Variants in PINK1 observed in about 807,000 individuals in gnomAD.
PINK1 encodes PTEN induced kinase 1.
A neutral mutation model predicts 56.0 loss-of-function variants in PINK1; 58 were observed. That is an observed-to-expected ratio of 1.04 (90% confidence interval 0.84 to 1.29). The LOEUF is 1.29. Among genes scored for constraint, PINK1 ranks in the 50% most tolerant of loss-of-function variants. The pLI is 0.00. For missense variants in PINK1, 745 were observed against 777.9 expected (o/e 0.96, Z 0.50); for synonymous variants, 354 against 339.3 (o/e 1.04, Z -0.48).
At position 20,633,878 on chromosome 1, in the gene PINK1, C is replaced by T. The variant is rs754557745; in HGVS notation, c.330C>T (p.Leu110=). 1.3e-6 allele frequency: 2 copies of T among 1,581,718 alleles called. No homozygotes were observed. The highest frequency in any genetic ancestry group is 1.7e-6 in the Non-Finnish European group (2 of 1,165,956). Residue 110 remains leucine, a synonymous_variant, in exon 1 of 8, where the codon CTC becomes CTT. Transcript: ENST00000321556. ...TGGCCTTCGGGCTAGGGCTGGGCCTCATCGAGGAAAAACAGGCGGAGAGCC... is the reference window on the plus strand; with the variant it reads ...TGGCCTTCGGGCTAGGGCTGGGCCTTATCGAGGAAAAACAGGCGGAGAGCC... ...VFLAFGLGLG[L]IEEKQAESRR...
rs142183624 is a variant in PINK1, at chr1:20,644,661, C to T, written c.948C>T (p.Leu316=). ...EGLGHGRTLF[L]VMKNYPCTLR... Reference sequence around the variant, plus strand: ...TGGGCCATGGCCGGACGCTGTTCCTCGTTATGAAGAAGTAAGTGACAGCAG... The same window carrying T: ...TGGGCCATGGCCGGACGCTGTTCCTTGTTATGAAGAAGTAAGTGACAGCAG... Residue 316 remains leucine, a synonymous_variant, in exon 4 of 8, where the codon CTC becomes CTT. Transcript: ENST00000321556. 6.4e-4 allele frequency: 1,029 copies of T among 1,614,190 alleles called. 6 individuals are homozygous for T. The African/African-American group carries it at 0.012, about 19-fold the overall frequency.
At chr1:20,634,094 A>G (rs2154533521) in intron 1 of PINK1, among the ~76,000 whole-genome samples, 159 bp downstream of exon 1, 1 of 152,248 alleles carries the variant, frequency 6.6e-6, no homozygotes, top group Middle Eastern at 3.4e-3. Flanking sequence ...ACCATTACTG[A>G]TCGGCTGCTA....
intron 3 of PINK1, chr1:20,642,627 G>C (rs184893302): frequency 1.3e-5 from 2 of 152,280 alleles, no homozygotes; most frequent in East Asian, 3.9e-4. Context: ...ATAAGCAGAG[G>C]GAGTTTCAGC....
In PINK1 at chr1:20,633,776, G is replaced by A. The variant is rs781257771; in HGVS notation, c.228G>A (p.Gly76=). The A allele has an allele frequency of 4.6e-5, 72 of 1,565,598 alleles. No homozygotes were observed. Among genetic ancestry groups the A allele is most frequent in the Non-Finnish European group, 3.0e-5 (35 of 1,161,646 alleles). ...GCTTCTTCCGCCAGTCGGTGGCCGG[G>A]CTGGCGGCGCGGTTGCAGCGGCAGT... ...RLRFFRQSVA[G]LAARLQRQFV... is the part of the protein sequence containing the mutation. Residue 76 remains glycine, a synonymous_variant, in exon 1 of 8, where the codon GGG becomes GGA. Coordinates refer to ENST00000321556, the MANE Select transcript of PINK1 (RefSeq NM_032409.3).
chr1:20,644,032 GTC>G (rs36040366), intron 3 of PINK1, among the ~76,000 whole-genome samples: 5 of 151,850 alleles, frequency 3.3e-5, no homozygotes, highest in Non-Finnish European at 5.9e-5. Flanking sequence ...TGTGAATGTG[GTC>G]TCTCTCTCTC....
Position 20,649,111 on chromosome 1 carries a change from G to C in PINK1, c.1368G>C (p.Gln456His). ...IFGLVNPFYG[Q>H]GKAHLESRSY... ...GGCTTGTCAATCCCTTCTACGGCCA[G>C]GGCAAGGCCCACCTTGAAAGCCGCA... The change falls in exon 7 of 8, where the codon CAG becomes CAC. Residue 456 changes from glutamine to histidine, a missense_variant. By Grantham distance (24) the Gln-to-His change is conservative. Coordinates refer to ENST00000321556, the MANE Select transcript of PINK1 (RefSeq NM_032409.3). The C allele has an allele frequency of 1.9e-6, 3 of 1,614,248 alleles. No homozygotes were observed. The highest frequency in any genetic ancestry group is 2.5e-6 in the Non-Finnish European group (3 of 1,180,050).
intron 3 of PINK1, 64 bp downstream of exon 3, chr1:20,640,056 A>C: frequency 7.5e-7 from 1 of 1,330,642 alleles, no homozygotes; most frequent in South Asian, 1.2e-5. Flanking sequence ...TCCATCACTT[A>C]TGTCCTCAGC....
chr1:20,634,854 G>A (rs1404795344), intron 1 of PINK1, among the ~76,000 whole-genome samples: 3 of 152,210 alleles, frequency 2.0e-5, no homozygotes, highest in African/African-American at 7.2e-5. Flanking sequence ...TGGTGGAAGA[G>A]GGAGTGACTT....
intron 3 of PINK1, among the ~76,000 whole-genome samples, chr1:20,643,420 C>T (rs2053138234): frequency 6.6e-6 from 1 of 152,240 alleles, no homozygotes; most frequent in African/African-American, 2.4e-5. Context: ...GCATCTGGAT[C>T]TATTCACTTA....
intron 5 of PINK1, chr1:20,648,178 T>C (rs1162740739): frequency 2.6e-6 from 1 of 387,156 alleles, no homozygotes; most frequent in Non-Finnish European, 4.9e-6. Context: ...CAAAGTCTCC[T>C]GGGGTATAAG....
chr1:20,649,503 A>G (rs2053237060), intron 7 of PINK1: 1 of 450,636 alleles, frequency 2.2e-6, no homozygotes, highest in East Asian at 4.3e-5. Context: ...GGTGGCTTAC[A>G]CCTATAATCA....
In PINK1 at chr1:20,645,721, C is replaced by T; in HGVS notation, c.1121C>T (p.Pro374Leu). 6.2e-7 allele frequency: 1 copy of T among 1,614,108 alleles called. No individual in the cohort carries two copies. Among genetic ancestry groups the T allele is most frequent in the Non-Finnish European group, 8.5e-7 (1 of 1,180,018 alleles). The change falls in exon 5 of 8, where the codon CCA becomes CTA. Residue 374 changes from proline to leucine, a missense_variant and splice_region_variant. Transcript: ENST00000321556. Reference sequence around the variant, plus strand: ...GACAACATCCTTGTGGAGCTGGACCCAGGTAGGAACCTGCTGCACCATCAG... The same window carrying T: ...GACAACATCCTTGTGGAGCTGGACCTAGGTAGGAACCTGCTGCACCATCAG... ...KSDNILVELD[P>L]DGCPWLVIAD...
At position 20,645,640 on chromosome 1, in the gene PINK1, T is replaced by C. The variant is rs28940285; in HGVS notation, c.1040T>C (p.Leu347Pro). Reference protein sequence around the residue: ...RLAAMMLLQLLEGVDHLVQQG... With the variant: ...RLAAMMLLQLPEGVDHLVQQG... ...GCCGCCATGATGCTGCTGCAGCTGC[T>C]GGAAGGCGTGGACCATCTGGTTCAA... Residue 347 changes from leucine to proline, a missense_variant, in exon 5 of 8, where the codon CTG becomes CCG. Physicochemically the swap from Leu to Pro is moderately conservative, Grantham distance 98 (BLOSUM62 -3). Transcript: ENST00000321556. 26 of 1,614,012 alleles carry C rather than the reference T, an allele frequency of 1.6e-5. No individual in the cohort carries two copies. The East Asian group carries it at 2.5e-4, about 15-fold the overall frequency.
intron 5 of PINK1, among the ~76,000 whole-genome samples, chr1:20,646,296 AAAAAAATAAT>A (rs1331775862): frequency 6.6e-6 from 1 of 152,062 alleles, no homozygotes; most frequent in Non-Finnish European, 1.5e-5. Flanking sequence ...ATCCTATCTC[AAAAAAATAAT>A]AAAAAATAAT....
chr1:20,647,605 G>A (rs530491707), intron 5 of PINK1, among the ~76,000 whole-genome samples: 1 of 151,418 alleles, frequency 6.6e-6, no homozygotes, highest in East Asian at 2.0e-4. Context: ...TGAGTAGCTG[G>A]GATTACAGGC....
chr1:20,633,992 T>C, intron 1 of PINK1, 57 bp downstream of exon 1: 11 of 1,079,032 alleles, frequency 1.0e-5, no homozygotes, highest in South Asian at 1.4e-5. Flanking sequence ...CGGGGGCGGG[T>C]CCTCAGCTGG....
rs543038023 is a variant in PINK1, at chr1:20,645,467, G to A, written c.960-93G>A. 2,019 of 1,391,846 alleles carry A rather than the reference G, an allele frequency of 1.5e-3. 3 individuals carry two copies. The highest frequency in any genetic ancestry group is 1.9e-3 in the Non-Finnish European group (1,912 of 1,022,084). 86.2% of individuals were successfully genotyped at this position (1,391,846 alleles called of 1,614,324 possible). A position where few individuals can be genotyped will look rare whatever the true frequency, so the allele number is the denominator to read the frequency against. On this transcript the variant is annotated intron_variant, in intron 4 of 7. Coordinates refer to ENST00000321556, the MANE Select transcript of PINK1 (RefSeq NM_032409.3). ...TCGTGCTACTGCACTCCAGCTTGGC[G>A]ACAGAGTGAGACTCCATCTCAAAAA...
Position 20,645,140 on chromosome 1 carries a change from G to A in PINK1, c.960-420G>A, listed in dbSNP as rs1263542270. 5.3e-5 allele frequency among the ~76,000 whole-genome samples: 8 copies of A among 152,262 alleles called. No individual in the cohort carries two copies. In the East Asian group the frequency reaches 1.5e-3, roughly 29 times the overall value. On this transcript the variant is annotated intron_variant, in intron 4 of 7. Transcript: ENST00000321556. ...CAGAAAGGATGCTGGGGAAAAGTGG[G>A]AATCAAAGTGCTCCTGGAAGGGGAA...
chr1:20,648,401 C>A, intron 5 of PINK1, 104 bp from the exon 6 acceptor site: 1 of 1,536,744 alleles, frequency 6.5e-7, no homozygotes, highest in Non-Finnish European at 8.9e-7. Flanking sequence ...GAGCCATTAG[C>A]CCCTGTCAGC....
Sources: allele counts gnomAD v4.1 joint callset (sites outside exome capture counted in the v4.1 genomes callset), GRCh38; gene constraint gnomAD v4.1.1; transcripts MANE v1.5; gene names NCBI Gene and HGNC (gene_info 2026-07-23, HGNC 2026-07-21).